Variants in SORCS2 observed in about 807,000 individuals in gnomAD.
SORCS2 encodes the protein sortilin related VPS10 domain containing receptor 2.
Under a neutral mutation model 141.6 loss-of-function variants are expected in SORCS2, and 100 were observed. That is an observed-to-expected ratio of 0.71 (90% confidence interval 0.60 to 0.83). SORCS2 has a LOEUF of 0.83. Ranked by LOEUF, SORCS2 falls within the 40% of genes least tolerant of loss-of-function variation. SORCS2 has a pLI of 0.00. For missense variants in SORCS2, 1,646 were observed against 1,560.2 expected (o/e 1.05, Z -0.93); for synonymous variants, 789 against 676.9 (o/e 1.17, Z -2.57).
intron 1 of SORCS2, among the ~76,000 whole-genome samples, chr4:7,209,880 G>A (rs550012011): frequency 4.6e-5 from 7 of 152,196 alleles, no homozygotes; most frequent in Non-Finnish European, 8.8e-5. Flanking sequence ...TTCTTGGAGC[G>A]ACTCACGTAT....
intron 1 of SORCS2, among the ~76,000 whole-genome samples, chr4:7,332,928 C>G (rs534344759): frequency 6.6e-6 from 1 of 152,222 alleles, no homozygotes; most frequent in East Asian, 1.9e-4. Flanking sequence ...GTCTCTGTTT[C>G]CACATCAGCA....
At chr4:7,324,113 G>T (rs4689706) in intron 1 of SORCS2, among the ~76,000 whole-genome samples, 82,851 of 152,008 alleles carry the variant, frequency 0.55, 23,619 homozygotes, top group East Asian at 0.8. Flanking sequence ...CCAGCAGGTG[G>T]CGGGGCTGGG....
intron 1 of SORCS2, among the ~76,000 whole-genome samples, chr4:7,294,649 C>T: frequency 1.4e-5 from 2 of 143,706 alleles, no homozygotes; most frequent in Admixed American, 6.8e-5. Context: ...CCTTTCCTCC[C>T]CCTCTCCCTC....
intron 2 of SORCS2, among the ~76,000 whole-genome samples, chr4:7,481,367 C>T (rs1317837156): frequency 1.3e-5 from 2 of 152,228 alleles, no homozygotes; most frequent in Admixed American, 6.5e-5. Flanking sequence ...GGGCTGGGCT[C>T]GGTCAGCAGG....
chr4:7,438,335 C>T (rs981728934), intron 2 of SORCS2, among the ~76,000 whole-genome samples: 10 of 152,194 alleles, frequency 6.6e-5, no homozygotes, highest in African/African-American at 2.4e-4. Context: ...GGTCATGCAT[C>T]GTGTGGGGGG....
intron 2 of SORCS2, among the ~76,000 whole-genome samples, chr4:7,416,449 C>T (rs1725674216): frequency 6.6e-6 from 1 of 152,218 alleles, no homozygotes; most frequent in Non-Finnish European, 1.5e-5. Context: ...CCCACTCCCA[C>T]TGATGCCCTG....
intron 3 of SORCS2, among the ~76,000 whole-genome samples, chr4:7,562,105 T>A (rs996980922): frequency 6.6e-6 from 1 of 152,250 alleles, no homozygotes; most frequent in African/African-American, 2.4e-5. Context: ...AGTAAGTGAA[T>A]GATCACCCAG....
At chr4:7,386,420 T>C (rs1195450823) in intron 1 of SORCS2, among the ~76,000 whole-genome samples, 5 of 93,522 alleles carry the variant, frequency 5.3e-5, no homozygotes, top group Non-Finnish European at 8.3e-5. Context: ...CACGCACACA[T>C]GCACACACAT....
intron 3 of SORCS2, among the ~76,000 whole-genome samples, chr4:7,610,420 G>C (rs58859950): frequency 0.43 from 66,013 of 152,008 alleles, 15,765 homozygotes; most frequent in Non-Finnish European, 0.55. Context: ...ACCCCTGTCT[G>C]TGCATACCTC....
At chr4:7,387,821 GAT>G (rs1345087889) in intron 1 of SORCS2, among the ~76,000 whole-genome samples, 2 of 106,840 alleles carry the variant, frequency 1.9e-5, no homozygotes, top group South Asian at 4.3e-4. Context: ...CAGATACAGA[GAT>G]ACACATGCAC....
chr4:7,322,678 C>T (rs182003005), intron 1 of SORCS2, among the ~76,000 whole-genome samples: 1 of 152,338 alleles, frequency 6.6e-6, no homozygotes, highest in Admixed American at 6.5e-5. Flanking sequence ...AGCCCCTAAG[C>T]CGTCCCTGGG....
intron 2 of SORCS2, among the ~76,000 whole-genome samples, chr4:7,466,414 G>A (rs62277627): frequency 0.066 from 10,090 of 152,234 alleles, 355 homozygotes; most frequent in African/African-American, 0.095. Context: ...ACGTGGCCAC[G>A]CCCCACTCAG....
chr4:7,406,798 A>AT (rs1724997068), intron 2 of SORCS2, among the ~76,000 whole-genome samples: 1 of 151,074 alleles, frequency 6.6e-6, no homozygotes, highest in Admixed American at 6.6e-5. Context: ...TAGTTCCTTG[A>AT]TTTTTTAAAG....
intron 1 of SORCS2, among the ~76,000 whole-genome samples, chr4:7,226,987 C>T (rs1045517769): frequency 7.9e-5 from 12 of 152,200 alleles, no homozygotes; most frequent in Admixed American, 6.5e-4. Context: ...ATGGTGCCAC[C>T]GCGGTAGCAG....
At chr4:7,732,598 G>C (rs1190045196) in intron 23 of SORCS2, among the ~76,000 whole-genome samples, 1 of 152,062 alleles carries the variant, frequency 6.6e-6, no homozygotes, top group Non-Finnish European at 1.5e-5. Flanking sequence ...TCAGGTAGGG[G>C]GTCTGATTCT....
At chr4:7,726,254 C>G (rs1013643514) in intron 20 of SORCS2, among the ~76,000 whole-genome samples, 10 of 152,192 alleles carry the variant, frequency 6.6e-5, no homozygotes, top group African/African-American at 2.4e-4. Context: ...CCACATCAGG[C>G]CTCCTAAATG....
At chr4:7,654,848 C>A (rs116116134) in intron 5 of SORCS2, among the ~76,000 whole-genome samples, 1,851 of 152,316 alleles carry the variant, frequency 0.012, 37 homozygotes, top group African/African-American at 0.041. Context: ...GCTCCTGTCC[C>A]AGGCAGAGGG....
intron 25 of SORCS2, among the ~76,000 whole-genome samples, chr4:7,736,587 C>A (rs1328508194): frequency 6.6e-6 from 1 of 152,164 alleles, no homozygotes; most frequent in East Asian, 1.9e-4. Flanking sequence ...CTGTGCCCAC[C>A]CTCTCCCTTT....
chr4:7,343,289 G>A (rs1312071687), intron 1 of SORCS2, among the ~76,000 whole-genome samples: 1 of 152,234 alleles, frequency 6.6e-6, no homozygotes, highest in East Asian at 1.9e-4. Flanking sequence ...TCATGCCAAA[G>A]TGAAGGCCTG....
Sources: allele counts gnomAD v4.1 joint callset (sites outside exome capture counted in the v4.1 genomes callset), GRCh38; gene constraint gnomAD v4.1.1; transcripts MANE v1.5; gene names NCBI Gene and HGNC (gene_info 2026-07-23, HGNC 2026-07-21).